CTPS2: variants seen among roughly 807,000 people sequenced by gnomAD.
CTPS2 encodes the protein CTP synthase II.
A neutral mutation model predicts 46.8 loss-of-function variants in CTPS2; 19 were observed. That is an observed-to-expected ratio of 0.41 (90% CI 0.28 to 0.60). The LOEUF is 0.60. Among genes scored for constraint, CTPS2 ranks in the 20% least tolerant of loss-of-function variants. The pLI is 0.35. For synonymous variants in CTPS2, 151 were observed against 165.2 expected (o/e 0.91, Z 0.66); for missense variants, 286 against 447.6 (o/e 0.64, Z 3.26).
At position 16,589,968 on chromosome X, in the gene CTPS2, C is replaced by T. The variant is rs1447515018; in HGVS notation, c.*42-193G>A. On this transcript the variant is annotated intron_variant, in intron 18 of 18. Coordinates refer to ENST00000359276, the MANE Select transcript of CTPS2 (RefSeq NM_175859.3). ...AGACCTCACAGGAAAGCAATGAACA[C>T]TTTACAAGTCTTCCAAAAGCTGCTG... is the stretch of plus-strand genomic sequence containing the variant. Among the ~76,000 whole-genome samples, 11 of 112,030 alleles carry T rather than the reference C, an allele frequency of 9.8e-5. No homozygotes were observed. The East Asian group carries it at 2.5e-3, about 26-fold the overall frequency.
chrX:16,661,297 A>G (rs1932946601), intron 13 of CTPS2, among the ~76,000 whole-genome samples: 1 of 112,067 alleles, frequency 8.9e-6, no homozygotes, highest in Admixed American at 9.5e-5. Flanking sequence ...TATGGGAAAA[A>G]GGATTTTTAG....
chrX:16,664,101 G>A (rs1920985471), intron 13 of CTPS2, among the ~76,000 whole-genome samples: 1 of 112,113 alleles, frequency 8.9e-6, no homozygotes, highest in Non-Finnish European at 1.9e-5. Context: ...CTCCCAAAGT[G>A]CTGGGATTAT....
At chrX:16,607,129 G>A (rs987130493) in intron 17 of CTPS2, among the ~76,000 whole-genome samples, 5 of 113,038 alleles carry the variant, frequency 4.4e-5, no homozygotes, top group Middle Eastern at 4.6e-3. Context: ...CAGTCCACAC[G>A]AGCCAGACAG....
intron 14 of CTPS2, chrX:16,638,651 C>T (rs1343780338): frequency 5.5e-6 from 1 of 181,638 alleles, no homozygotes; most frequent in African/African-American, 3.1e-5. Flanking sequence ...CGAGCCATCT[C>T]CCCACACTGG....
At chrX:16,644,491 T>C (rs1297433957) in intron 13 of CTPS2, among the ~76,000 whole-genome samples, 9 of 111,100 alleles carry the variant, frequency 8.1e-5, no homozygotes, top group Admixed American at 5.8e-4. Flanking sequence ...GGTGGGCCCA[T>C]TGTAACCACA....
At chrX:16,674,073 T>G (rs775521691) in intron 10 of CTPS2, among the ~76,000 whole-genome samples, 2 of 111,456 alleles carry the variant, frequency 1.8e-5, no homozygotes, top group Non-Finnish European at 3.8e-5. Context: ...GAAAGTGAAA[T>G]GTGTTTTTAG....
chrX:16,663,671 C>G (rs1322168159), intron 13 of CTPS2, among the ~76,000 whole-genome samples: 1 of 110,357 alleles, frequency 9.1e-6, no homozygotes, highest in African/African-American at 3.3e-5. Flanking sequence ...GCCTGGGCAA[C>G]ATAGTGAGAC....
At chrX:16,687,562 G>T (rs187152415) in intron 8 of CTPS2, among the ~76,000 whole-genome samples, 57 of 106,498 alleles carry the variant, frequency 5.4e-4, no homozygotes, top group African/African-American at 1.6e-3. Flanking sequence ...CCAATAAAAA[G>T]AGTTAAAATA....
At chrX:16,709,753 G>T (rs150280755) in intron 1 of CTPS2, among the ~76,000 whole-genome samples, 12,126 of 102,581 alleles carry the variant, frequency 0.12, 1,032 homozygotes, top group African/African-American at 0.29. Context: ...GGAGGCTGAG[G>T]CAGGAGAATC....
intron 13 of CTPS2, chrX:16,651,233 C>A: frequency 1.1e-6 from 1 of 886,374 alleles, no homozygotes; most frequent in South Asian, 2.4e-5. Context: ...CTTATAGGGA[C>A]CGTCGCTTGA....
At chrX:16,712,273 A>T (rs1378700833) in intron 1 of CTPS2, 62 bp downstream of exon 1, 1 of 111,916 alleles carries the variant, frequency 8.9e-6, no homozygotes, top group African/African-American at 3.2e-5. Context: ...GGCCCTGGGG[A>T]CGAGGGATGG....
At chrX:16,618,638 A>C (rs1454629806) in intron 15 of CTPS2, among the ~76,000 whole-genome samples, 1 of 111,925 alleles carries the variant, frequency 8.9e-6, no homozygotes, top group East Asian at 2.8e-4. Context: ...GATTATAGCC[A>C]GCTTAGTGGG....
rs1931920126 is a variant in CTPS2, at chrX:16,639,174, C to T, written c.1366G>A (p.Val456Ile). 1 of 1,203,510 alleles carries T rather than the reference C, an allele frequency of 8.3e-7. No individual in the cohort carries two copies. The highest frequency in any genetic ancestry group is 2.2e-5 in the Admixed American group (1 of 45,713). ...AATATTGAATTTTCAGTTTTGAAAACAGTTCTTCTTATTCCCAGTCTCATT... is the reference window on the plus strand; with the variant it reads ...AATATTGAATTTTCAGTTTTGAAAATAGTTCTTCTTATTCCCAGTCTCATT... ...GTMRLGIRRTVFKTENSILRK... is the reference protein window; with the variant it reads ...GTMRLGIRRTIFKTENSILRK... The change falls in exon 14 of 19, where the codon GTT (valine) becomes ATT (isoleucine). Residue 456 changes from valine (V) to isoleucine (I), a missense_variant. By Grantham distance (29) the Val-to-Ile change is conservative. Transcript: ENST00000359276.
chrX:16,676,144 G>T (rs1922251721), intron 10 of CTPS2, among the ~76,000 whole-genome samples: 1 of 111,819 alleles, frequency 8.9e-6, no homozygotes, highest in Admixed American at 9.5e-5. Flanking sequence ...TTTTTATTTT[G>T]CAACAGGACA....
chrX:16,709,726 G>C (rs1465527450), intron 1 of CTPS2, among the ~76,000 whole-genome samples: 2 of 107,606 alleles, frequency 1.9e-5, no homozygotes, highest in East Asian at 3.0e-4. Flanking sequence ...GCACCCACCT[G>C]TAGTCTCAGG....
chrX:16,621,275 T>C (rs1930813911), intron 14 of CTPS2, among the ~76,000 whole-genome samples: 1 of 72,472 alleles, frequency 1.4e-5, no homozygotes, highest in Non-Finnish European at 2.3e-5. Flanking sequence ...ATGCTCCCAT[T>C]GGGAACATCA....
At position 16,588,991 on chromosome X, in the gene CTPS2, T is replaced by C. The variant is rs1352669923; in HGVS notation, c.*826A>G. The C allele has an allele frequency of 8.9e-6, 1 of 112,192 alleles. No homozygotes were observed. The highest frequency in any genetic ancestry group is 1.9e-5 in the Non-Finnish European group (1 of 53,238). The allele number at this position is 112,192 out of a possible 1,213,427, so 9.2% of individuals were successfully genotyped here. A position where few individuals can be genotyped will look rare whatever the true frequency, so the allele number is the denominator to read the frequency against. The stretch of plus-strand genomic sequence containing the variant: ...ACTGATCTCATGCCAGAAATCACAG[T>C]CAAAATGCAGTCGAAACTTTGTTTC... On this transcript the variant is annotated 3_prime_UTR_variant, in exon 19 of 19. Transcript: ENST00000359276.
chrX:16,693,090 T>G, intron 6 of CTPS2, 51 bp downstream of exon 6: 1 of 759,184 alleles, frequency 1.3e-6, no homozygotes. Context: ...GAAGTGAAGG[T>G]CCTGCTCCCA....
intron 13 of CTPS2, among the ~76,000 whole-genome samples, chrX:16,640,318 G>T (rs1932019382): frequency 9.0e-6 from 1 of 110,928 alleles, no homozygotes; most frequent in Non-Finnish European, 1.9e-5. Context: ...CCATTCCTCT[G>T]CCCTCTTTTC....
Sources: gnomAD v4.1 joint callset for allele counts (sites outside exome capture counted in the v4.1 genomes callset) on GRCh38, gnomAD v4.1.1 for gene constraint, MANE v1.5 for transcripts, NCBI Gene and HGNC (gene_info 2026-07-23, HGNC 2026-07-21) for gene names.